Variants in ADAMTS13 observed in about 807,000 individuals in gnomAD.
ADAMTS13 encodes ADAM metallopeptidase with thrombospondin type 1 motif 13.
A neutral mutation model predicts 155.1 loss-of-function variants in ADAMTS13; 110 were observed. The observed-to-expected ratio is 0.71, with a 90% CI of 0.61 to 0.83. The LOEUF is 0.83. Among genes scored for constraint, ADAMTS13 ranks in the 40% least tolerant of loss-of-function variants. The probability of loss-of-function intolerance (pLI) is 0.00; values close to 1 mark genes in which losing one functional copy is unlikely to be tolerated. For synonymous variants in ADAMTS13, 758 were observed against 756.4 expected (o/e 1.00, Z -0.03); for missense variants, 1,707 against 1,891.7 (o/e 0.90, Z 1.81).
intron 11 of ADAMTS13, among the ~76,000 whole-genome samples, chr9:133,433,990 G>A (rs1035558328): frequency 1.4e-4 from 21 of 152,186 alleles, no homozygotes; most frequent in Non-Finnish European, 2.1e-4. Context: ...CAGCTACTCG[G>A]GAAGCTGAGG....
chr9:133,446,655 T>G (rs1029673184), intron 21 of ADAMTS13, among the ~76,000 whole-genome samples: 4 of 152,204 alleles, frequency 2.6e-5, no homozygotes, highest in African/African-American at 9.6e-5. Context: ...AAATATCTGT[T>G]TGAGTTCCTG....
rs1204665809 is a variant in ADAMTS13 at position 133,454,531 on chromosome 9, C to T, written c.3161C>T (p.Ala1054Val). 4 of 1,610,366 alleles carry T rather than the reference C, an allele frequency of 2.5e-6. No individual in the cohort carries two copies. Among genetic ancestry groups the T allele is most frequent in the Non-Finnish European group, 2.5e-6 (3 of 1,179,968 alleles). ...QGQDVEVDEAACAALVRPEAS... is the reference protein window; with the variant it reads ...QGQDVEVDEAVCAALVRPEAS... ...CAGGACGTGGAGGTGGACGAGGCGG[C>T]CTGTGCGGCGCTGGTGCGGCCCGAG... is the stretch of plus-strand genomic sequence containing the variant. Residue 1054 changes from alanine (A) to valine (V), a missense_variant, in exon 24 of 29, where the codon GCC becomes GTC. By Grantham distance (64) the Ala-to-Val change is moderately conservative. Transcript: ENST00000355699.
exon 1 of ADAMTS13, chr9:133,414,485 C>A: frequency 1.4e-6 from 1 of 716,798 alleles, no homozygotes; most frequent in South Asian, 1.5e-5. Context: ...AGAAGCAGGC[C>A]CTGCCTTATC....
chr9:133,454,032 A>C (rs1329824024), intron 23 of ADAMTS13, among the ~76,000 whole-genome samples: 2 of 152,118 alleles, frequency 1.3e-5, no homozygotes, highest in African/African-American at 2.4e-5. Context: ...GCCCAAGGGA[A>C]GGGAACTCGG....
At position 133,433,402 on chromosome 9, in the gene ADAMTS13, T is replaced by C; in HGVS notation, c.1117T>C (p.Ser373Pro). 1 of 1,613,094 alleles carries C rather than the reference T, an allele frequency of 6.2e-7. No individual in the cohort carries two copies. Among genetic ancestry groups the C allele is most frequent in the Non-Finnish European group, 8.5e-7 (1 of 1,179,936 alleles). ...EKWCSKGRCR[S>P]LVELTPIAAV... is the part of the protein sequence containing the mutation. ...GTGGTGCTCCAAGGGTCGCTGCCGC[T>C]CCCTGGTGGAGCTGACCCCCATAGC... is the stretch of plus-strand genomic sequence containing the variant. The change falls in exon 10 of 29, where the codon TCC becomes CCC. Residue 373 changes from serine (S) to proline (P), a missense_variant. Transcript: ENST00000355699.
In ADAMTS13 at chr9:133,448,817, G is replaced by T. The variant is rs1363111377; in HGVS notation, c.2861+89G>T. ...GCTCCATGCCCGGTGACCTGCGGAGGGGGGCAGGTGCTGCTGGCTGTGCAC... is the reference window on the plus strand; with the variant it reads ...GCTCCATGCCCGGTGACCTGCGGAGTGGGGCAGGTGCTGCTGGCTGTGCAC... On this transcript the variant is annotated intron_variant, in intron 22 of 28. Transcript: ENST00000355699. 2.6e-6 allele frequency: 4 copies of T among 1,530,612 alleles called. No individual in the cohort carries two copies. In the Admixed American group the frequency reaches 5.8e-5, roughly 22 times the overall value. The allele number at this position is 1,530,612 out of a possible 1,614,324, so 94.8% of individuals were successfully genotyped here.
Position 133,432,664 on chromosome 9 carries a change from T to C in ADAMTS13, c.1064T>C (p.Leu355Pro). The change falls in exon 9 of 29, where the codon CTG becomes CCG. Residue 355 changes from leucine (L) to proline (P), a missense_variant. Physicochemically the swap from Leu to Pro is moderately conservative, Grantham distance 98. Around this residue, in one of 3 missense-constraint regions of ADAMTS13, gnomAD observed 733 missense variants for 749.6 expected, o/e 0.98. Transcript: ENST00000355699. ...SSCSRLLVPL[L>P]DGTECGVEKW... The stretch of plus-strand genomic sequence containing the variant: ...TGCAGCCGCCTCCTCGTTCCTCTCC[T>C]GGATGGGACAGAATGTGGCGTGGAG... 2 of 1,559,810 alleles carry C rather than the reference T, an allele frequency of 1.3e-6. No individual in the cohort carries two copies. The highest frequency in any genetic ancestry group is 1.7e-6 in the Non-Finnish European group (2 of 1,151,188).
At chr9:133,421,537 T>TG (rs1839956931), upstream of ADAMTS13, among the ~76,000 whole-genome samples, 1 of 152,234 alleles carries the variant, frequency 6.6e-6, no homozygotes, top group African/African-American at 2.4e-5. Flanking sequence ...ATTTAAGCTG[T>TG]GAGAGGCCGA....
chr9:133,429,640 C>A, intron 7 of ADAMTS13: 1 of 539,820 alleles, frequency 1.9e-6, no homozygotes, highest in South Asian at 1.7e-5. Context: ...ATCCCTGCGT[C>A]CCCTTCCCGC....
Position 133,424,339 on chromosome 9 carries a change from G to A in ADAMTS13, c.191G>A (p.Gly64Asp). The change falls in exon 3 of 29, where the codon GGC becomes GAC. Residue 64 changes from glycine (G) to aspartate (D), a missense_variant. Gly to Asp is a moderately conservative substitution (Grantham distance 94). This residue lies in a region of ADAMTS13 where 733 missense variants were observed against 749.6 expected (regional missense o/e 0.98). Transcript: ENST00000355699. This position sits in a 1 kb window ranked among gnomAD's most constrained non-coding sequence, Gnocchi z 4.3. ...CCTCCAGGCCGCCCTCCTTCCCCTG[G>A]CTTCCAGAGGCAGAGGCAGAGGCAG... ...APLKGRPPSP[G>D]FQRQRQRQRR... 6.2e-7 allele frequency: 1 copy of A among 1,613,028 alleles called. No homozygotes were observed. Among genetic ancestry groups the A allele is most frequent in the Non-Finnish European group, 8.5e-7 (1 of 1,179,920 alleles).
At chr9:133,434,601 G>A (rs899103597) in intron 11 of ADAMTS13, among the ~76,000 whole-genome samples, 4 of 152,200 alleles carry the variant, frequency 2.6e-5, no homozygotes, top group Admixed American at 2.0e-4. Flanking sequence ...GCGCCTGGCC[G>A]AAGGAGTCTT....
intron 7 of ADAMTS13, among the ~76,000 whole-genome samples, chr9:133,429,154 T>G: frequency 2.5e-5 from 1 of 39,974 alleles, no homozygotes; most frequent in African/African-American, 1.0e-4. Flanking sequence ...CACCCCTCCG[T>G]CCCAACCCCT....
At chr9:133,420,455 G>A (rs587704221), upstream of ADAMTS13, among the ~76,000 whole-genome samples, 40 of 152,378 alleles carry the variant, frequency 2.6e-4, no homozygotes, top group African/African-American at 9.4e-4. Context: ...GGAACAAAGA[G>A]AACAAAGAAA....
intron 7 of ADAMTS13, among the ~76,000 whole-genome samples, chr9:133,429,100 G>T: frequency 8.1e-6 from 1 of 123,726 alleles, no homozygotes; most frequent in Non-Finnish European, 1.7e-5. Flanking sequence ...GTCCAACCCC[G>T]CGCCCACAGC....
At chr9:133,422,667 G>A (rs782152421) in intron 1 of ADAMTS13, 119 bp downstream of exon 1, 54 of 997,714 alleles carry the variant, frequency 5.4e-5, no homozygotes, top group Non-Finnish European at 7.9e-5. Flanking sequence ...TTTGCGCTGG[G>A]CAGGGGAGTC....
Position 133,428,660 on chromosome 9 carries a change from C to G in ADAMTS13, c.713C>G (p.Pro238Arg). ...TTCGGCCTGGAGCACGACGGCGCGC[C>G]CGGCAGCGGCTGCGGCCCCAGCGGA... ...HSFGLEHDGAPGSGCGPSGHV... is the reference protein window; with the variant it reads ...HSFGLEHDGARGSGCGPSGHV... Residue 238 changes from proline (P) to arginine (R), a missense_variant, in exon 7 of 29, where the codon CCC becomes CGC. Physicochemically the swap from Pro to Arg is moderately radical, Grantham distance 103 (BLOSUM62 -2). Around this residue, in one of 3 missense-constraint regions of ADAMTS13, gnomAD observed 733 missense variants for 749.6 expected, o/e 0.98. Transcript: ENST00000355699. The G allele has an allele frequency of 7.4e-7, 1 of 1,355,986 alleles. No individual in the cohort carries two copies. Among genetic ancestry groups the G allele is most frequent in the Non-Finnish European group, 9.5e-7 (1 of 1,050,256 alleles). 84.0% of individuals were successfully genotyped at this position (1,355,986 alleles called of 1,614,324 possible).
chr9:133,452,809 C>T (rs996393137), intron 23 of ADAMTS13, among the ~76,000 whole-genome samples: 7 of 152,162 alleles, frequency 4.6e-5, no homozygotes, highest in African/African-American at 1.7e-4. Context: ...TGAGCTCTGG[C>T]CATCCCTCTG....
intron 24 of ADAMTS13, among the ~76,000 whole-genome samples, 188 bp downstream of exon 24, chr9:133,454,807 T>C (rs1038271369): frequency 6.6e-6 from 1 of 152,148 alleles, no homozygotes; most frequent in Non-Finnish European, 1.5e-5. Context: ...TGCGGGCAGC[T>C]AGGACTTAAG....
chr9:133,455,733 T>C, intron 25 of ADAMTS13: 1 of 1,274,722 alleles, frequency 7.8e-7, no homozygotes, highest in Non-Finnish European at 1.1e-6. Flanking sequence ...GGATCAGGGC[T>C]GGCCCTCTTT....
Sources: allele counts gnomAD v4.1 joint callset (sites outside exome capture counted in the v4.1 genomes callset), GRCh38; gene constraint gnomAD v4.1.1; regional missense constraint gnomAD v4.1.1; non-coding constraint Gnocchi (gnomAD v3.1); transcripts MANE v1.5; gene names NCBI Gene and HGNC (gene_info 2026-07-23, HGNC 2026-07-21).